The following MMP16 variants were observed in gnomAD, a reference collection of about 807,000 sequenced individuals.
MMP16 encodes matrix metalloproteinase-16.
In MMP16, 12 loss-of-function variants were observed where a neutral mutation model predicts 67.8. The observed-to-expected ratio is 0.18, with a 90% CI of 0.11 to 0.29. The LOEUF (loss-of-function observed/expected upper bound fraction) is 0.29. Among genes scored for constraint, MMP16 ranks in the 10% least tolerant of loss-of-function variants. The pLI, the probability that MMP16 is intolerant of heterozygous loss-of-function variation, is 1.00. For synonymous variants in MMP16, 249 were observed against 255.9 expected (o/e 0.97, Z 0.26); for missense variants, 475 against 765.7 (o/e 0.62, Z 4.48).
At chr8:88,078,528 C>CT (rs1808690490) in intron 6 of MMP16, among the ~76,000 whole-genome samples, 1 of 152,118 alleles carries the variant, frequency 6.6e-6, no homozygotes, top group Admixed American at 6.5e-5. Context: ...TAATGATCTA[C>CT]TATCAGTAGA....
intron 4 of MMP16, among the ~76,000 whole-genome samples, chr8:88,156,184 T>C (rs556334373): frequency 1.4e-4 from 21 of 152,192 alleles, no homozygotes; most frequent in African/African-American, 4.8e-4. Flanking sequence ...ATCTCCTACT[T>C]TCTCTACTTT....
At chr8:88,101,071 A>T (rs932871347) in intron 6 of MMP16, among the ~76,000 whole-genome samples, 1 of 151,814 alleles carries the variant, frequency 6.6e-6, no homozygotes, top group Non-Finnish European at 1.5e-5. Context: ...CATGTATACA[A>T]ATGTAACAAA....
chr8:88,091,643 T>G (rs1361316454), intron 6 of MMP16, among the ~76,000 whole-genome samples: 2 of 151,862 alleles, frequency 1.3e-5, no homozygotes, highest in African/African-American at 4.8e-5. Context: ...CTAGTTTACC[T>G]CTTATTAGTA....
chr8:88,063,545 T>C (rs1007390357), intron 7 of MMP16, among the ~76,000 whole-genome samples: 2 of 151,890 alleles, frequency 1.3e-5, no homozygotes, highest in South Asian at 2.1e-4. Flanking sequence ...TACCTGCTTT[T>C]TGACTCCCTT....
rs185584196 is a variant in MMP16 at position 88,264,347 on chromosome 8, G to A, written c.132+62728C>T. 9.5e-4 allele frequency among the ~76,000 whole-genome samples: 145 copies of A among 152,168 alleles called. 2 individuals carry two copies. The highest frequency in any genetic ancestry group is 3.4e-3 in the African/African-American group (140 of 41,524). ...CCCAAGTACCTGGGACTGCAGGCAT[G>A]CATCACCACACCCGGCTGATTTTTA... is the stretch of plus-strand genomic sequence containing the variant. On this transcript the variant is annotated intron_variant, in intron 1 of 9. Coordinates refer to ENST00000286614, the MANE Select transcript of MMP16 (RefSeq NM_005941.5).
chr8:88,237,458 G>A (rs1206006640), intron 1 of MMP16, among the ~76,000 whole-genome samples: 2 of 152,046 alleles, frequency 1.3e-5, no homozygotes, highest in South Asian at 4.1e-4. Flanking sequence ...GACCATCTTG[G>A]CTAACACAGT....
At chr8:88,192,445 C>CT (rs1261922678) in intron 2 of MMP16, among the ~76,000 whole-genome samples, 2 of 152,190 alleles carry the variant, frequency 1.3e-5, no homozygotes, top group South Asian at 4.1e-4. Context: ...ATTCTTTCAA[C>CT]TTTTTACCTT....
chr8:88,080,047 C>T (rs2118304062), intron 6 of MMP16, among the ~76,000 whole-genome samples: 1 of 152,326 alleles, frequency 6.6e-6, no homozygotes. Context: ...ACAGCACTTA[C>T]ACATATGTTA....
intron 7 of MMP16, among the ~76,000 whole-genome samples, chr8:88,064,755 G>A (rs1808442597): frequency 6.6e-6 from 1 of 152,036 alleles, no homozygotes; most frequent in Non-Finnish European, 1.5e-5. Flanking sequence ...TTTCTATATT[G>A]TTTATAGATA....
chr8:88,148,840 G>A (rs539939041), intron 4 of MMP16, among the ~76,000 whole-genome samples: 16 of 152,248 alleles, frequency 1.1e-4, no homozygotes, highest in African/African-American at 3.6e-4. Context: ...TCAGAAATAC[G>A]TGTATTATGG....
intron 1 of MMP16, among the ~76,000 whole-genome samples, chr8:88,324,784 G>A (rs1811512423): frequency 6.6e-6 from 1 of 151,814 alleles, no homozygotes; most frequent in East Asian, 1.9e-4. Flanking sequence ...GAATCAGGCA[G>A]AAATTTATGT....
At chr8:88,224,556 C>G (rs946501523) in intron 1 of MMP16, among the ~76,000 whole-genome samples, 2 of 151,928 alleles carry the variant, frequency 1.3e-5, no homozygotes, top group South Asian at 4.1e-4. Flanking sequence ...CTAGTTACTA[C>G]ATAATTTTAC....
At chr8:88,247,237 CT>C (rs2129914818) in intron 1 of MMP16, among the ~76,000 whole-genome samples, 1 of 152,110 alleles carries the variant, frequency 6.6e-6, no homozygotes, top group Admixed American at 6.6e-5. Flanking sequence ...TTTGTAGTAA[CT>C]TTGTAAAAGA....
rs750064037 is a variant in MMP16, at chr8:88,080,324, C to T, written c.1084-5581G>A. On this transcript the variant is annotated intron_variant, in intron 6 of 9. Transcript: ENST00000286614. ...GTATTAACCCTATTTATTAAGATGA[C>T]ATTCTAACCAAGGGAAATCATTAGC... Among the ~76,000 whole-genome samples the T allele has an allele frequency of 8.5e-5, 13 of 152,114 alleles. 1 individual carries two copies. Among genetic ancestry groups the T allele is most frequent in the Non-Finnish European group, 1.3e-4 (9 of 68,028 alleles).
chr8:88,295,647 CT>C (rs1419462443), intron 1 of MMP16, among the ~76,000 whole-genome samples: 26 of 151,934 alleles, frequency 1.7e-4, no homozygotes, highest in Non-Finnish European at 2.9e-4. Context: ...TTTCAAGTGT[CT>C]TTTTTTAATG....
chr8:88,115,101 T>G (rs1809406113), intron 6 of MMP16, among the ~76,000 whole-genome samples: 1 of 152,018 alleles, frequency 6.6e-6, no homozygotes, highest in South Asian at 2.1e-4. Context: ...CAGAGTCAAT[T>G]TCACATCATA....
At chr8:88,326,918 A>C in intron 1 of MMP16, 157 bp downstream of exon 1, 1 of 877,128 alleles carries the variant, frequency 1.1e-6, no homozygotes, top group East Asian at 2.7e-5. Context: ...CCGTCACCTA[A>C]AACACCCTTA....
intron 1 of MMP16, among the ~76,000 whole-genome samples, chr8:88,265,596 C>G (rs943568522): frequency 1.3e-5 from 2 of 152,048 alleles, no homozygotes; most frequent in African/African-American, 4.8e-5. Flanking sequence ...AGAAGTGATG[C>G]CTTACATAGG....
At chr8:88,147,399 A>G (rs1435657640) in intron 4 of MMP16, among the ~76,000 whole-genome samples, 3 of 152,078 alleles carry the variant, frequency 2.0e-5, no homozygotes, top group African/African-American at 7.2e-5. Flanking sequence ...TACACAGATT[A>G]CACATTGTTA....
Sources: allele counts gnomAD v4.1 joint callset (sites outside exome capture counted in the v4.1 genomes callset), GRCh38; gene constraint gnomAD v4.1.1; transcripts MANE v1.5; gene names NCBI Gene and HGNC (gene_info 2026-07-23, HGNC 2026-07-21).